Variants in L3HYPDH observed in about 807,000 individuals in gnomAD.
L3HYPDH encodes the protein trans-L-3-hydroxyproline dehydratase.
In L3HYPDH, 32 loss-of-function variants were observed where a neutral mutation model predicts 26.5. That is an observed-to-expected ratio of 1.21 (90% CI 0.91 to 1.62). The LOEUF (loss-of-function observed/expected upper bound fraction) is 1.62. Ranked by LOEUF, L3HYPDH falls within the 40% of genes most tolerant of loss-of-function variation. L3HYPDH has a pLI of 0.00. For synonymous variants in L3HYPDH, 215 were observed against 196.6 expected (o/e 1.09, Z -0.78); for missense variants, 554 against 476.4 (o/e 1.16, Z -1.52).
chr14:59,484,756 G>A (rs1594925762), upstream of L3HYPDH: 19 of 1,008,182 alleles, frequency 1.9e-5, no homozygotes, highest in South Asian at 3.1e-5. Flanking sequence ...CTCCTGCGGG[G>A]TTGGGGTGGT....
At chr14:59,502,775 G>C in the L3HYPDH span, among the ~76,000 whole-genome samples, 1 of 63,126 alleles carries the variant, frequency 1.6e-5, no homozygotes, top group Non-Finnish European at 3.4e-5. Context: ...TTTTTTTTTC[G>C]GAGTCTCACT....
At chr14:59,470,959 G>GT (rs1889295102), downstream of L3HYPDH, among the ~76,000 whole-genome samples, 1 of 132,694 alleles carries the variant, frequency 7.5e-6, no homozygotes, top group African/African-American at 2.8e-5. Context: ...TGGGGGCGGG[G>GT]GGGGGGGGAG....
chr14:59,481,428 T>C (rs1297996260), intron 1 of L3HYPDH, among the ~76,000 whole-genome samples: 2 of 152,198 alleles, frequency 1.3e-5, no homozygotes, highest in African/African-American at 2.4e-5. Flanking sequence ...ACTAAATAAG[T>C]GGCAGAGCTT....
At position 59,483,979 on chromosome 14, in the gene L3HYPDH, C is replaced by T. The variant is rs1890273611; in HGVS notation, c.338G>A (p.Arg113His). The T allele has an allele frequency of 6.3e-7, 1 of 1,578,400 alleles. No individual in the cohort carries two copies. ...MCGHAVLALGRFALDFGLVPA... is the reference protein window; with the variant it reads ...MCGHAVLALGHFALDFGLVPA... ...CACAAGCCCGAAGTCCAAAGCGAAG[C>T]GGCCCAGCGCCAGCACTGCGTGGCC... is the stretch of plus-strand genomic sequence containing the variant. Residue 113 changes from arginine (R) to histidine (H), a missense_variant, in exon 1 of 5, where the codon CGC becomes CAC. Arg to His is a conservative substitution (Grantham distance 29, BLOSUM62 0). Coordinates refer to ENST00000247194, the MANE Select transcript of L3HYPDH (RefSeq NM_144581.2).
rs749466334 is a variant in L3HYPDH, at chr14:59,473,010, T to A, written c.1020A>T (p.Ile340=). Residue 340 remains isoleucine, a synonymous_variant, in exon 5 of 5, where the codon ATA becomes ATT. Coordinates refer to ENST00000247194, the MANE Select transcript of L3HYPDH (RefSeq NM_144581.2). ...QAHYTGTASF[I]IEDDDPLRDG... ...CCCTCAATGGGTCGTCATCTTCTAT[T>A]ATAAAGCTTGCTGTACCCGTGTAAT... 1 of 1,609,410 alleles carries A rather than the reference T, an allele frequency of 6.2e-7. No homozygotes were observed. The highest frequency in any genetic ancestry group is 1.1e-5 in the South Asian group (1 of 90,248).
At chr14:59,472,323 T>G (rs1013745511), downstream of L3HYPDH, among the ~76,000 whole-genome samples, 2 of 152,224 alleles carry the variant, frequency 1.3e-5, no homozygotes, top group African/African-American at 4.8e-5. Context: ...CAACCCCTTT[T>G]ATAAAAGCCC....
At chr14:59,489,916 ATTTATCTTTTCGTTTTTATTTT>A in the L3HYPDH span, among the ~76,000 whole-genome samples, 2 of 151,550 alleles carry the variant, frequency 1.3e-5, no homozygotes, top group South Asian at 4.2e-4. Context: ...TTATTTTTTA[ATTTATCTTTTCGTTTTTATTTT>A]TCGAGACAAT....
At chr14:59,486,541 T>A, upstream of L3HYPDH, 2 of 600,674 alleles carry the variant, frequency 3.3e-6, no homozygotes, top group South Asian at 4.1e-5. Flanking sequence ...CTGTCTGCAG[T>A]GTCACAGTGT....
At chr14:59,476,328 T>A in intron 2 of L3HYPDH, 114 bp from the exon 3 acceptor site, 1 of 795,442 alleles carries the variant, frequency 1.3e-6, no homozygotes, top group East Asian at 2.7e-5. Flanking sequence ...ATTTTTAAAA[T>A]ACCTTTTTGG....
Position 59,473,099 on chromosome 14 carries a change from A to G in L3HYPDH, c.940-9T>C. ...TCACCACATTTCGCTTCCTGAAAAA[A>G]GATGAAGGGAGTATACTATCAAAAT... On this transcript the variant is annotated splice_polypyrimidine_tract_variant and intron_variant, in intron 4 of 4. Transcript: ENST00000247194. 1 of 1,586,468 alleles carries G rather than the reference A, an allele frequency of 6.3e-7. No individual in the cohort carries two copies. Among genetic ancestry groups the G allele is most frequent in the African/African-American group, 1.4e-5 (1 of 72,864 alleles).
At chr14:59,466,783 G>C (rs1030330144) in intron 1 of L3HYPDH, among the ~76,000 whole-genome samples, 5 of 152,102 alleles carry the variant, frequency 3.3e-5, no homozygotes, top group Non-Finnish European at 7.3e-5. Flanking sequence ...GGACTTTTGG[G>C]CCAGATAATT....
At position 59,479,254 on chromosome 14, in the gene L3HYPDH, T is replaced by G. The variant is rs896707458; in HGVS notation, c.606A>C (p.Leu202=). 3 of 1,613,618 alleles carry G rather than the reference T, an allele frequency of 1.9e-6. No homozygotes were observed. The highest frequency in any genetic ancestry group is 2.5e-6 in the Non-Finnish European group (3 of 1,179,886). The stretch of plus-strand genomic sequence containing the variant: ...CCCTGGTCTTTGCAGAACAAATGTC[T>G]AGTCCTAACTTTTCAGCAGTAACAA... The part of the protein sequence containing the change: ...YAFVTAEKLG[L]DICSAKTRDL... Residue 202 remains leucine, a synonymous_variant, in exon 2 of 5, where the codon CTA becomes CTC. Coordinates refer to ENST00000247194, the MANE Select transcript of L3HYPDH (RefSeq NM_144581.2).
At chr14:59,465,611 C>A (rs1889144366) in intron 1 of L3HYPDH, among the ~76,000 whole-genome samples, 1 of 152,210 alleles carries the variant, frequency 6.6e-6, no homozygotes, top group Non-Finnish European at 1.5e-5. Flanking sequence ...AACGAAAGTT[C>A]ACTCTTGCTC....
At chr14:59,485,035 G>T (rs940435646), upstream of L3HYPDH, 2 of 1,597,966 alleles carry the variant, frequency 1.3e-6, no homozygotes, top group Non-Finnish European at 1.7e-6. Flanking sequence ...CAAAAAAATG[G>T]AATCTTAAAA....
chr14:59,494,207 A>G, the L3HYPDH span, among the ~76,000 whole-genome samples: 1 of 150,560 alleles, frequency 6.6e-6, no homozygotes, highest in East Asian at 1.9e-4. Flanking sequence ...AGAAAAAAAA[A>G]TAAAAGCCTG....
the L3HYPDH span, among the ~76,000 whole-genome samples, chr14:59,502,755 T>TGTTTTGTTTTGTTTTTTTTTTTTGTTTTG: frequency 8.1e-6 from 1 of 122,916 alleles, no homozygotes; most frequent in Non-Finnish European, 1.6e-5. Flanking sequence ...ATGAGATTTT[T>TGTTTTGTTTTGTTTTTTTTTTTTGTTTTG]TTTTTTTTTT....
At chr14:59,469,700 T>C (rs1356029693), downstream of L3HYPDH, among the ~76,000 whole-genome samples, 1 of 149,854 alleles carries the variant, frequency 6.7e-6, no homozygotes, top group Non-Finnish European at 1.5e-5. Context: ...CAAGGGTCAA[T>C]CCCAAGTCCC....
At chr14:59,469,025 A>G (rs768907238), downstream of L3HYPDH, among the ~76,000 whole-genome samples, 4 of 152,206 alleles carry the variant, frequency 2.6e-5, no homozygotes, top group South Asian at 4.1e-4. Context: ...GTCTAACAGC[A>G]GCTCCAAGAA....
chr14:59,470,005 G>T (rs991468424), downstream of L3HYPDH, among the ~76,000 whole-genome samples: 1 of 152,196 alleles, frequency 6.6e-6, no homozygotes, highest in Non-Finnish European at 1.5e-5. Context: ...CTAGGCAGGT[G>T]AATGATACAG....
Sources: gnomAD v4.1 joint callset for allele counts (sites outside exome capture counted in the v4.1 genomes callset) on GRCh38, gnomAD v4.1.1 for gene constraint, MANE v1.5 for transcripts, NCBI Gene and HGNC (gene_info 2026-07-23, HGNC 2026-07-21) for gene names.